Variants in KAZN observed in about 807,000 individuals in gnomAD.
KAZN encodes kazrin.
A neutral mutation model predicts 87.4 loss-of-function variants in KAZN; 40 were observed. That is an observed-to-expected ratio of 0.46 (90% confidence interval 0.36 to 0.60). KAZN has a LOEUF of 0.60. Among genes scored for constraint, KAZN ranks in the 20% least tolerant of loss-of-function variants. The pLI is 0.00. For synonymous variants in KAZN, 466 were observed against 458.3 expected, an observed-to-expected ratio of 1.02 and a Z score of -0.22; for missense variants, 898 against 1,073.9, an observed-to-expected ratio of 0.84 and a Z score of 2.29.
chr1:14,434,946 A>C (rs1666293837), intron 2 of KAZN, among the ~76,000 whole-genome samples: 1 of 152,090 alleles, frequency 6.6e-6, no homozygotes, highest in South Asian at 2.1e-4. Flanking sequence ...GGCTCTGTGC[A>C]AAGAGGTCTC....
intron 1 of KAZN, among the ~76,000 whole-genome samples, chr1:14,764,604 G>A (rs1277461771): frequency 1.3e-5 from 2 of 152,032 alleles, no homozygotes; most frequent in Non-Finnish European, 2.9e-5. Context: ...CTCATACCAG[G>A]CACTCAGTAA....
intron 1 of KAZN, among the ~76,000 whole-genome samples, chr1:14,784,969 C>CTTTTTTTTT (rs143932268): frequency 7.3e-6 from 1 of 136,090 alleles, no homozygotes; most frequent in African/African-American, 2.7e-5. Context: ...AGACTGCTTA[C>CTTTTTTTTT]TTTTTTTTTT....
At chr1:14,594,195 G>T (rs1676356967), upstream of KAZN, among the ~76,000 whole-genome samples, 1 of 152,218 alleles carries the variant, frequency 6.6e-6, no homozygotes, top group African/African-American at 2.4e-5. Flanking sequence ...GCCCTCTTTT[G>T]CTCTCAGCAG....
chr1:13,958,034 G>A (rs1315991984), intron 1 of KAZN, among the ~76,000 whole-genome samples: 1 of 152,174 alleles, frequency 6.6e-6, no homozygotes, highest in Admixed American at 6.5e-5. Flanking sequence ...TATTGAATAG[G>A]CATGTGCATG....
chr1:13,915,080 C>A (rs547482684), intron 1 of KAZN, among the ~76,000 whole-genome samples: 1 of 152,294 alleles, frequency 6.6e-6, no homozygotes, highest in East Asian at 1.9e-4. Flanking sequence ...ATACAGAAAT[C>A]ACATGTGTGT....
chr1:14,963,595 A>G (rs1241262886), intron 2 of KAZN, among the ~76,000 whole-genome samples: 1 of 152,082 alleles, frequency 6.6e-6, no homozygotes. Flanking sequence ...TGGCTATGTG[A>G]GCTTGGATGC....
In KAZN at chr1:14,513,882, T is replaced by A. The variant is rs145983306; in HGVS notation, c.250-85101T>A. On this transcript the variant is annotated intron_variant, in intron 2 of 16. Coordinates refer to the KAZN transcript ENST00000636203. ...CAGGTTGCTACAATTAGAAGATCAT[T>A]CTTAGAGGTGTCTTTAATTTCTAAA... Among the ~76,000 whole-genome samples, 707 of 152,202 alleles carry A rather than the reference T, an allele frequency of 4.6e-3. 6 individuals carry two copies. Among genetic ancestry groups the A allele is most frequent in the African/African-American group, 0.016 (658 of 41,536 alleles).
chr1:14,588,875 T>A (rs906203612), intron 2 of KAZN, among the ~76,000 whole-genome samples: 10 of 152,200 alleles, frequency 6.6e-5, no homozygotes, highest in African/African-American at 2.4e-4. Context: ...ATCTCTTGAA[T>A]ACATGACAAT....
At chr1:14,760,358 G>A (rs766236444) in intron 1 of KAZN, among the ~76,000 whole-genome samples, 1 of 152,180 alleles carries the variant, frequency 6.6e-6, no homozygotes, top group Non-Finnish European at 1.5e-5. Context: ...TGTGCCAGGC[G>A]TGGAATTAAA....
chr1:14,886,659 C>T (rs540971762), intron 1 of KAZN, among the ~76,000 whole-genome samples: 15 of 152,046 alleles, frequency 9.9e-5, no homozygotes, highest in Non-Finnish European at 1.9e-4. Context: ...GGAGTGGTGG[C>T]GCATGCATGT....
Position 14,182,695 on chromosome 1 carries a change from T to A in KAZN, c.249+2103T>A, listed in dbSNP as rs1007496049. ...TAGACACGTAAAAATATGTCATTTT[T>A]AAAAAAAGACTCTTTATTGGGCATT... On this transcript the variant is annotated intron_variant, in intron 2 of 16. Transcript: ENST00000636203. 5.3e-5 allele frequency among the ~76,000 whole-genome samples: 8 copies of A among 152,236 alleles called. No homozygotes were observed. In the South Asian group the frequency reaches 6.2e-4, roughly 12 times the overall value.
chr1:14,305,283 C>A (rs1320697483), intron 2 of KAZN, among the ~76,000 whole-genome samples: 1 of 152,126 alleles, frequency 6.6e-6, no homozygotes, highest in South Asian at 2.1e-4. Flanking sequence ...ATGATATCAA[C>A]CCTACAGAAG....
At chr1:14,030,266 G>C (rs1641259816) in intron 1 of KAZN, among the ~76,000 whole-genome samples, 1 of 151,788 alleles carries the variant, frequency 6.6e-6, no homozygotes, top group Non-Finnish European at 1.5e-5. Context: ...TCATGATTTG[G>C]CTCTCTGTTT....
chr1:13,907,206 C>T (rs901354883), intron 1 of KAZN, among the ~76,000 whole-genome samples: 1 of 152,168 alleles, frequency 6.6e-6, no homozygotes, highest in African/African-American at 2.4e-5. Flanking sequence ...ATAGAATCTT[C>T]CAGCACCACA....
At chr1:14,557,369 C>T (rs1038275856) in intron 2 of KAZN, among the ~76,000 whole-genome samples, 19 of 152,194 alleles carry the variant, frequency 1.2e-4, no homozygotes, top group African/African-American at 4.1e-4. Flanking sequence ...AAGGAAAAAT[C>T]TTTGCAGTCC....
chr1:15,040,587 A>G (rs12130382), intron 3 of KAZN, among the ~76,000 whole-genome samples: 56,568 of 151,974 alleles, frequency 0.37, 11,109 homozygotes, highest in Non-Finnish European at 0.44. Context: ...CCAACATGAC[A>G]AAAGCCTGCC....
At chr1:14,052,429 C>T (rs1054904125) in intron 1 of KAZN, among the ~76,000 whole-genome samples, 17 of 152,016 alleles carry the variant, frequency 1.1e-4, no homozygotes, top group Middle Eastern at 3.2e-3. Flanking sequence ...CAGTGGTGGC[C>T]GCTGCTACAC....
At chr1:14,918,535 ACGTG>A (rs1282005218) in intron 1 of KAZN, among the ~76,000 whole-genome samples, 48 of 151,622 alleles carry the variant, frequency 3.2e-4, no homozygotes, top group Non-Finnish European at 5.2e-4. Flanking sequence ...AATTAGCCGG[ACGTG>A]GTAGCACATG....
intron 1 of KAZN, among the ~76,000 whole-genome samples, chr1:14,787,042 G>A (rs964726552): frequency 2.0e-5 from 3 of 152,182 alleles, no homozygotes; most frequent in African/African-American, 7.2e-5. Flanking sequence ...GGCACACTTT[G>A]CTGATGCCTT....
Sources: allele counts gnomAD v4.1 joint callset (sites outside exome capture counted in the v4.1 genomes callset), GRCh38; gene constraint gnomAD v4.1.1; transcripts MANE v1.5; gene names NCBI Gene and HGNC (gene_info 2026-07-23, HGNC 2026-07-21).